WDR83: variants seen among roughly 807,000 people sequenced by gnomAD.
WDR83 encodes WD repeat domain-containing protein 83.
In WDR83, 37 loss-of-function variants were observed where a neutral mutation model predicts 37.7. That is an observed-to-expected ratio of 0.98 (90% CI 0.76 to 1.29). The LOEUF (loss-of-function observed/expected upper bound fraction) is 1.29. Ranked by LOEUF, WDR83 falls within the 50% of genes most tolerant of loss-of-function variation. The pLI, the probability that WDR83 is intolerant of heterozygous loss-of-function variation, is 0.00. For missense variants in WDR83, 445 were observed against 414.4 expected (o/e 1.07, Z -0.64); for synonymous variants, 174 against 181.1 (o/e 0.96, Z 0.31).
At chr19:12,669,274 C>A in intron 2 of WDR83, 1 of 1,610,676 alleles carries the variant, frequency 6.2e-7, no homozygotes. Flanking sequence ...AGGTCCTGCC[C>A]CCGGGATAGA....
At chr19:12,675,122 CAGAAAA>C (rs2024535051) in intron 10 of WDR83, among the ~76,000 whole-genome samples, 2 of 146,356 alleles carry the variant, frequency 1.4e-5, no homozygotes, top group African/African-American at 5.2e-5. Flanking sequence ...CAAAAAAAAA[CAGAAAA>C]AGAAAAAGAC....
Position 12,668,979 on chromosome 19 carries a change from T to C in WDR83, c.-37+352T>C, listed in dbSNP as rs535503979. The C allele has an allele frequency of 2.6e-5, 21 of 801,576 alleles. No homozygotes were observed. The South Asian group carries it at 3.3e-4, about 12-fold the overall frequency. The allele number at this position is 801,576 out of a possible 1,614,324, so 49.7% of individuals were successfully genotyped here. ...TTGACTTCACCAAAGACTGGGGCTT[T>C]CTCGGCCCAGCGTCATCGCAGCCCC... On this transcript the variant is annotated intron_variant, in intron 2 of 10. Coordinates refer to ENST00000418543, the MANE Select transcript of WDR83 (RefSeq NM_001099737.3).
chr19:12,675,793 TAATA>T lies in WDR83; in HGVS notation c.*126_*129del, dbSNP rs1568316742. On this transcript the variant is annotated 3_prime_UTR_variant, in exon 11 of 11. Coordinates refer to ENST00000418543, the MANE Select transcript of WDR83 (RefSeq NM_001099737.3). ...TAGGGGAGGGGCTGGGTCTGCAAAT[TAATA>T]AATAGAAGAGGGGGTAAGACCTTCC... 2 of 1,567,728 alleles carry T rather than the reference TAATA, an allele frequency of 1.3e-6. No homozygotes were observed. The highest frequency in any genetic ancestry group is 1.7e-4 in the Middle Eastern group (1 of 5,840).
chr19:12,673,264 A>G lies in WDR83; in HGVS notation c.746A>G (p.His249Arg). Residue 249 changes from histidine (H) to arginine (R), a missense_variant, in exon 10 of 11, where the codon CAT becomes CGT. Physicochemically the swap from His to Arg is conservative, Grantham distance 29. Transcript: ENST00000418543. ...TGCTGCCTGAGCGAGCGTGACACAC[A>G]TGTGGTCAGCTGTTCTGAGGACGGG... ...LDCCLSERDT[H>R]VVSCSEDGKV... 1.2e-6 allele frequency: 2 copies of G among 1,613,920 alleles called. No individual in the cohort carries two copies. Among genetic ancestry groups the G allele is most frequent in the Non-Finnish European group, 1.7e-6 (2 of 1,179,930 alleles).
chr19:12,669,450 GCTTC>G (rs1568311832), intron 2 of WDR83: 1 of 1,563,270 alleles, frequency 6.4e-7, no homozygotes, highest in South Asian at 1.2e-5. Context: ...AGGAATCGCA[GCTTC>G]CGGCGTGCAA....
intron 1 of WDR83, among the ~76,000 whole-genome samples, chr19:12,667,754 T>C (rs2024293642): frequency 6.6e-6 from 1 of 152,164 alleles, no homozygotes; most frequent in Non-Finnish European, 1.5e-5. Flanking sequence ...GCCCAGGAGT[T>C]TGAGGCTGCA....
At chr19:12,670,459 C>T in intron 5 of WDR83, 104 bp from the exon 6 acceptor site, 5 of 1,574,120 alleles carry the variant, frequency 3.2e-6, no homozygotes, top group East Asian at 2.2e-5. Flanking sequence ...TCCCCCAAAA[C>T]CTTTCACCTC....
chr19:12,666,856 G>T lies in WDR83; in HGVS notation c.-293G>T, dbSNP rs1480993606. 2 of 722,436 alleles carry T rather than the reference G, an allele frequency of 2.8e-6. No individual in the cohort carries two copies. Among genetic ancestry groups the T allele is most frequent in the Admixed American group, 5.9e-5 (2 of 33,702 alleles). The allele number at this position is 722,436 out of a possible 1,614,324, so 44.8% of individuals were successfully genotyped here. ...AGGCTGTAGCCCTGGGCAATCCCGGGGGTCGTTACAGGAAGGTAGGAAAAT... is the reference window on the plus strand; with the variant it reads ...AGGCTGTAGCCCTGGGCAATCCCGGTGGTCGTTACAGGAAGGTAGGAAAAT... On this transcript the variant is annotated 5_prime_UTR_variant, in exon 1 of 11. Transcript: ENST00000418543.
Position 12,668,670 on chromosome 19 carries a change from C to T in WDR83, c.-37+43C>T. The T allele has an allele frequency of 2.1e-6, 3 of 1,443,176 alleles. No individual in the cohort carries two copies. In the South Asian group the frequency reaches 3.5e-5, roughly 17 times the overall value. The allele number at this position is 1,443,176 out of a possible 1,614,324, so 89.4% of individuals were successfully genotyped here. On this transcript the variant is annotated intron_variant, in intron 2 of 10. Transcript: ENST00000418543. ...TTAGTGAAAGGCACAACAATGAGTC[C>T]CCGAAGCCACCTTTCCAGACACCAG...
intron 1 of WDR83, chr19:12,668,168 G>A: frequency 1.7e-6 from 1 of 587,868 alleles, no homozygotes; most frequent in South Asian, 2.0e-5. Context: ...GCAGGCAGGG[G>A]AAGGGAGGCA....
At chr19:12,673,407 GATCTT>G in intron 10 of WDR83, 91 bp downstream of exon 10, 4 of 415,206 alleles carry the variant, frequency 9.6e-6, no homozygotes, top group Non-Finnish European at 1.3e-5. Context: ...TGAAGGCTAG[GATCTT>G]TTTTTTTTTT....
chr19:12,673,379 CT>C, intron 10 of WDR83, 63 bp downstream of exon 10: 1 of 1,107,144 alleles, frequency 9.0e-7, no homozygotes, highest in Non-Finnish European at 1.4e-6. Flanking sequence ...CTGTCCTTAC[CT>C]CAGTCACTCC....
chr19:12,669,384 G>C, intron 2 of WDR83: 1 of 1,600,806 alleles, frequency 6.2e-7, no homozygotes, highest in Non-Finnish European at 8.5e-7. Flanking sequence ...CCGTGGGTCC[G>C]ACATATTGTT....
intron 2 of WDR83, chr19:12,669,428 C>T (rs34203441): frequency 6.3e-7 from 1 of 1,581,872 alleles, no homozygotes; most frequent in Non-Finnish European, 8.6e-7. Flanking sequence ...CAGATCACGC[C>T]TCTTCCGCTG....
intron 10 of WDR83, among the ~76,000 whole-genome samples, chr19:12,674,249 G>A (rs1413987245): frequency 6.6e-6 from 1 of 152,166 alleles, no homozygotes; most frequent in Non-Finnish European, 1.5e-5. Context: ...TCAAGAAACT[G>A]GAGCTACATC....
In WDR83 at chr19:12,675,776, G is replaced by T. The variant is rs765966600; in HGVS notation, c.*104G>T. The T allele has an allele frequency of 1.9e-6, 3 of 1,565,842 alleles. No individual in the cohort carries two copies. The highest frequency in any genetic ancestry group is 1.4e-5 in the African/African-American group (1 of 73,356). On this transcript the variant is annotated 3_prime_UTR_variant, in exon 11 of 11. Coordinates refer to ENST00000418543, the MANE Select transcript of WDR83 (RefSeq NM_001099737.3). Reference sequence around the variant, plus strand: ...CGTAGCTGACCAAAAAGTAGGGGAGGGGCTGGGTCTGCAAATTAATAAATA... The same window carrying T: ...CGTAGCTGACCAAAAAGTAGGGGAGTGGCTGGGTCTGCAAATTAATAAATA...
At chr19:12,667,037 C>T (rs541565460) in intron 1 of WDR83, 45 bp downstream of exon 1, 13 of 401,600 alleles carry the variant, frequency 3.2e-5, no homozygotes, top group South Asian at 3.1e-4. Flanking sequence ...GTTTTCCTAG[C>T]CGGTGTAGTG....
chr19:12,674,759 C>T (rs2024520863), intron 10 of WDR83, among the ~76,000 whole-genome samples: 1 of 152,094 alleles, frequency 6.6e-6, no homozygotes, highest in Non-Finnish European at 1.5e-5. Context: ...AATCAGCAGT[C>T]TCTGGACATG....
Position 12,670,752 on chromosome 19 carries a change from T to C in WDR83, c.437T>C (p.Val146Ala), listed in dbSNP as rs751187333. ...TGCCGCTCACGGAGGCCTGAGCCAG[T>C]GCAGACGCTGGATGAGGCCAGAGAT... ...WDCRSRRPEP[V>A]QTLDEARDGV... Residue 146 changes from valine (V) to alanine (A), a missense_variant, in exon 7 of 11, where the codon GTG becomes GCG. By Grantham distance (64) the Val-to-Ala change is moderately conservative (BLOSUM62 0). Transcript: ENST00000418543. The C allele has an allele frequency of 6.2e-7, 1 of 1,614,166 alleles. No individual in the cohort carries two copies. The highest frequency in any genetic ancestry group is 8.5e-7 in the Non-Finnish European group (1 of 1,180,034).
Sources: allele counts gnomAD v4.1 joint callset (sites outside exome capture counted in the v4.1 genomes callset), GRCh38; gene constraint gnomAD v4.1.1; transcripts MANE v1.5; gene names NCBI Gene and HGNC (gene_info 2026-07-23, HGNC 2026-07-21).